Variants in NLN observed in about 807,000 individuals in gnomAD.
NLN encodes neurolysin, mitochondrial.
Under a neutral mutation model 79.9 loss-of-function variants are expected in NLN, and 64 were observed. That is an observed-to-expected ratio of 0.80 (90% CI 0.65 to 0.99). The LOEUF is 0.99. Ranked by LOEUF, NLN falls within the 50% of genes least tolerant of loss-of-function variation. The pLI is 0.00. For synonymous variants in NLN, 267 were observed against 296.6 expected (o/e 0.90, Z 1.02); for missense variants, 835 against 858.7 (o/e 0.97, Z 0.34).
chr5:65,817,941 A>G (rs1464910036), intron 12 of NLN, among the ~76,000 whole-genome samples: 4 of 152,180 alleles, frequency 2.6e-5, no homozygotes, highest in African/African-American at 9.7e-5. Context: ...GTTTTTACAA[A>G]TGGCTTTAAT....
chr5:65,822,173 C>T (rs896700042), intron 12 of NLN, among the ~76,000 whole-genome samples: 5 of 152,194 alleles, frequency 3.3e-5, no homozygotes, highest in African/African-American at 7.2e-5. Flanking sequence ...GGAACTGTGA[C>T]GTTTTAAAAT....
intron 1 of NLN, among the ~76,000 whole-genome samples, chr5:65,745,930 A>G (rs1758967320): frequency 6.6e-6 from 1 of 152,190 alleles, no homozygotes; most frequent in Non-Finnish European, 1.5e-5. Context: ...AGAAATAAAG[A>G]AGGAGGACAG....
chr5:65,766,933 G>C (rs1008816814), intron 3 of NLN, among the ~76,000 whole-genome samples: 2 of 152,228 alleles, frequency 1.3e-5, no homozygotes, highest in Non-Finnish European at 2.9e-5. Context: ...CTCACATCCA[G>C]GGCGCACTGA....
At chr5:65,724,438 G>C (rs971492121) in intron 1 of NLN, among the ~76,000 whole-genome samples, 1 of 152,140 alleles carries the variant, frequency 6.6e-6, no homozygotes, top group African/African-American at 2.4e-5. Flanking sequence ...TTTTAAAACT[G>C]AATAATATTT....
rs777989910 is a variant in NLN, at chr5:65,810,061, T to C, written c.1739T>C (p.Val580Ala). Residue 580 changes from valine (V) to alanine (A), a missense_variant, in exon 11 of 13, where the codon GTT (valine) becomes GCT (alanine). By Grantham distance (64) the Val-to-Ala change is moderately conservative. Transcript: ENST00000380985. ...GGTCTTCTGACCCTGCGCCAGATTG[T>C]TTTGAGCAAAGTTGATCAGTCTCTT... ...NTGLLTLRQI[V>A]LSKVDQSLHT... 1.2e-6 allele frequency: 2 copies of C among 1,614,012 alleles called. No individual in the cohort carries two copies. The highest frequency in any genetic ancestry group is 2.2e-5 in the East Asian group (1 of 44,886).
At chr5:65,808,667 C>T (rs975023341) in intron 9 of NLN, among the ~76,000 whole-genome samples, 1 of 152,178 alleles carries the variant, frequency 6.6e-6, no homozygotes, top group Non-Finnish European at 1.5e-5. Flanking sequence ...TTTTAAACCT[C>T]TTTTGTTTTT....
rs1760882103 is a variant in NLN at position 65,824,764 on chromosome 5, T to C, written c.*1849T>C. 6.6e-6 allele frequency: 1 copy of C among 152,236 alleles called. No individual in the cohort carries two copies. The highest frequency in any genetic ancestry group is 6.5e-5 in the Admixed American group (1 of 15,278). 9.4% of individuals were successfully genotyped at this position (152,236 alleles called of 1,614,324 possible). A position where few individuals can be genotyped will look rare whatever the true frequency, so the allele number is the denominator to read the frequency against. On this transcript the variant is annotated 3_prime_UTR_variant, in exon 13 of 13. Transcript: ENST00000380985. ...CAAAAGCACCATGGTGTTCTTTCTA[T>C]TTAGGGCCTACCTCTAATATTTAAA... is the stretch of plus-strand genomic sequence containing the variant.
chr5:65,738,586 TAAAAC>T (rs1046993109), intron 1 of NLN, among the ~76,000 whole-genome samples: 5 of 151,758 alleles, frequency 3.3e-5, no homozygotes, highest in African/African-American at 1.2e-4. Context: ...AAAAATAAAA[TAAAAC>T]AAAGAAAAAA....
intron 1 of NLN, among the ~76,000 whole-genome samples, chr5:65,752,045 T>C (rs1015788882): frequency 6.6e-6 from 1 of 151,976 alleles, no homozygotes; most frequent in African/African-American, 2.4e-5. Context: ...TTCAAGACCA[T>C]CCTGGGCAAC....
chr5:65,764,613 G>A (rs1759412649), intron 3 of NLN, among the ~76,000 whole-genome samples: 1 of 152,170 alleles, frequency 6.6e-6, no homozygotes, highest in Admixed American at 6.5e-5. Context: ...GAGTAGACTG[G>A]CACACTATAG....
intron 1 of NLN, among the ~76,000 whole-genome samples, chr5:65,739,649 C>T (rs891193913): frequency 3.4e-4 from 52 of 152,230 alleles, no homozygotes; most frequent in Non-Finnish European, 4.4e-5. Flanking sequence ...TGCGGGTTCC[C>T]TTTTCTCCAC....
chr5:65,723,814 C>CAAAAAAAAAAAAAAAAAAAAAA (rs760572199), intron 1 of NLN, among the ~76,000 whole-genome samples: 2 of 55,314 alleles, frequency 3.6e-5, no homozygotes, highest in African/African-American at 1.3e-4. Context: ...GACTCCGTCT[C>CAAAAAAAAAAAAAAAAAAAAAA]AAAAAAAAAA....
rs1760871476 is a variant in NLN at position 65,824,362 on chromosome 5, A to T, written c.*1447A>T. The T allele has an allele frequency of 6.6e-6, 1 of 152,190 alleles. No homozygotes were observed. The highest frequency in any genetic ancestry group is 2.4e-5 in the African/African-American group (1 of 41,450). 9.4% of individuals were successfully genotyped at this position (152,190 alleles called of 1,614,324 possible). A position where few individuals can be genotyped will look rare whatever the true frequency, so the allele number is the denominator to read the frequency against. ...GGAGATTCCTAGATTATATCTGCCA[A>T]GCAAATACCTTAAACATCCACCTGA... On this transcript the variant is annotated 3_prime_UTR_variant, in exon 13 of 13. Coordinates refer to ENST00000380985, the MANE Select transcript of NLN (RefSeq NM_020726.5).
chr5:65,752,673 A>G (rs1759125383), intron 1 of NLN, among the ~76,000 whole-genome samples: 2 of 152,206 alleles, frequency 1.3e-5, no homozygotes, highest in African/African-American at 4.8e-5. Flanking sequence ...GGTGAGCTTG[A>G]AAATGTAACA....
At chr5:65,809,807 C>A in intron 10 of NLN, 106 bp downstream of exon 10, 1 of 1,017,962 alleles carries the variant, frequency 9.8e-7, no homozygotes, top group Non-Finnish European at 1.4e-6. Flanking sequence ...GGTATCCCAA[C>A]CGTGCTAGCA....
At position 65,744,326 on chromosome 5, in the gene NLN, C is replaced by T. The variant is rs1039465530; in HGVS notation, c.42-14241C>T. Among the ~76,000 whole-genome samples, 49 of 152,264 alleles carry T rather than the reference C, an allele frequency of 3.2e-4. 1 individual carries two copies. The highest frequency in any genetic ancestry group is 1.1e-3 in the African/African-American group (45 of 41,546). ...TACCTGATACTCTAATGTCTCTTTCCGTATTTCTTCCTCACAAGTCTGTAC... is the reference window on the plus strand; with the variant it reads ...TACCTGATACTCTAATGTCTCTTTCTGTATTTCTTCCTCACAAGTCTGTAC... On this transcript the variant is annotated intron_variant, in intron 1 of 12. Transcript: ENST00000380985.
chr5:65,772,874 G>A (rs1759598282), intron 3 of NLN, among the ~76,000 whole-genome samples: 1 of 151,248 alleles, frequency 6.6e-6, no homozygotes, highest in Admixed American at 6.6e-5. Flanking sequence ...GGGACTACAG[G>A]CACACGCCAC....
intron 1 of NLN, among the ~76,000 whole-genome samples, chr5:65,738,542 T>C (rs1336074771): frequency 6.6e-6 from 1 of 151,730 alleles, no homozygotes; most frequent in African/African-American, 2.4e-5. Flanking sequence ...CACTGCACTC[T>C]AGCCTGGGCG....
intron 3 of NLN, among the ~76,000 whole-genome samples, chr5:65,775,757 G>A (rs1759666857): frequency 6.6e-6 from 1 of 152,174 alleles, no homozygotes; most frequent in African/African-American, 2.4e-5. Flanking sequence ...TCCTCCCTTT[G>A]CAGGCACCTG....
Sources: gnomAD v4.1 joint callset for allele counts (sites outside exome capture counted in the v4.1 genomes callset) on GRCh38, gnomAD v4.1.1 for gene constraint, MANE v1.5 for transcripts, NCBI Gene and HGNC (gene_info 2026-07-23, HGNC 2026-07-21) for gene names.